The following CNTNAP5 variants were observed in gnomAD, a reference collection of about 807,000 sequenced individuals.
The protein encoded by CNTNAP5 is contactin associated protein family member 5, also known as contactin-associated protein-like 5.
In CNTNAP5, 72 loss-of-function variants were observed where a neutral mutation model predicts 150.2. The observed-to-expected ratio is 0.48, with a 90% CI of 0.40 to 0.58. The LOEUF (loss-of-function observed/expected upper bound fraction) is 0.58. Among genes scored for constraint, CNTNAP5 ranks in the 20% least tolerant of loss-of-function variants. The probability of loss-of-function intolerance (pLI) is 0.00; values close to 1 mark genes in which losing one functional copy is unlikely to be tolerated. For synonymous variants in CNTNAP5, 672 were observed against 619.8 expected (o/e 1.08, Z -1.25); for missense variants, 1,636 against 1,626.2 (o/e 1.01, Z -0.10).
intron 19 of CNTNAP5, among the ~76,000 whole-genome samples, chr2:124,803,718 A>T (rs772129220): frequency 6.6e-6 from 1 of 152,184 alleles, no homozygotes; most frequent in Non-Finnish European, 1.5e-5. Flanking sequence ...GAACTGCGAC[A>T]TTTTATATTT....
intron 10 of CNTNAP5, among the ~76,000 whole-genome samples, chr2:124,555,050 T>G (rs2104921568): frequency 6.6e-6 from 1 of 152,214 alleles, no homozygotes; most frequent in East Asian, 1.9e-4. Flanking sequence ...GACTGTCAAC[T>G]GATACTGAGT....
chr2:124,686,942 GA>G (rs1401528498), intron 13 of CNTNAP5, among the ~76,000 whole-genome samples: 1 of 152,138 alleles, frequency 6.6e-6, no homozygotes, highest in Non-Finnish European at 1.5e-5. Flanking sequence ...TGAAACGGTA[GA>G]AATGTTCTTA....
At chr2:124,578,204 C>T (rs950074243) in intron 11 of CNTNAP5, among the ~76,000 whole-genome samples, 1 of 150,102 alleles carries the variant, frequency 6.7e-6, no homozygotes, top group Non-Finnish European at 1.5e-5. Context: ...GTGGCAGGCA[C>T]CTGTAATCCC....
chr2:124,259,735 G>A (rs921519454), intron 3 of CNTNAP5, among the ~76,000 whole-genome samples: 3 of 152,090 alleles, frequency 2.0e-5, no homozygotes, highest in Non-Finnish European at 4.4e-5. Context: ...GACAAGCAGA[G>A]AGCCAAATCA....
At chr2:124,110,912 G>A (rs1431738843) in intron 1 of CNTNAP5, among the ~76,000 whole-genome samples, 1 of 152,144 alleles carries the variant, frequency 6.6e-6, no homozygotes, top group Non-Finnish European at 1.5e-5. Context: ...GGGGAGCTGA[G>A]GCACAGAGCA....
chr2:124,223,785 C>T (rs1023093037), intron 2 of CNTNAP5, among the ~76,000 whole-genome samples: 1 of 151,454 alleles, frequency 6.6e-6, no homozygotes, highest in African/African-American at 2.4e-5. Flanking sequence ...GAATCCAAGG[C>T]TAGCATAAAT....
At chr2:124,102,106 A>T (rs1683079773) in intron 1 of CNTNAP5, among the ~76,000 whole-genome samples, 1 of 152,164 alleles carries the variant, frequency 6.6e-6, no homozygotes, top group Non-Finnish European at 1.5e-5. Flanking sequence ...TGAGGCTTCC[A>T]GATTCCCTCC....
At chr2:124,459,616 G>A (rs1693201602) in intron 6 of CNTNAP5, among the ~76,000 whole-genome samples, 1 of 151,882 alleles carries the variant, frequency 6.6e-6, no homozygotes, top group Non-Finnish European at 1.5e-5. Flanking sequence ...ACTGGGCATG[G>A]TGCACACGCC....
intron 1 of CNTNAP5, among the ~76,000 whole-genome samples, chr2:124,211,889 G>T (rs1558803157): frequency 6.6e-6 from 1 of 152,200 alleles, no homozygotes; most frequent in African/African-American, 2.4e-5. Context: ...TACACTTTAA[G>T]ATCATGGTTT....
At chr2:124,070,396 G>GAAAAAAAAA (rs70996039) in intron 1 of CNTNAP5, among the ~76,000 whole-genome samples, 2 of 72,958 alleles carry the variant, frequency 2.7e-5, no homozygotes, top group Non-Finnish European at 5.0e-5. Context: ...GCTGAATGGG[G>GAAAAAAAAA]AAAAAAAAAA....
At chr2:124,125,554 C>CA (rs1170500142) in intron 1 of CNTNAP5, among the ~76,000 whole-genome samples, 1 of 152,142 alleles carries the variant, frequency 6.6e-6, no homozygotes, top group Non-Finnish European at 1.5e-5. Context: ...AGATCTGCAC[C>CA]AAGTGGACCT....
chr2:124,043,013 A>C (rs941520871), intron 1 of CNTNAP5, among the ~76,000 whole-genome samples: 1 of 152,188 alleles, frequency 6.6e-6, no homozygotes, highest in African/African-American at 2.4e-5. Context: ...TATCTTCTCC[A>C]GTCCAATATT....
intron 6 of CNTNAP5, among the ~76,000 whole-genome samples, chr2:124,460,959 G>A (rs527930238): frequency 6.6e-6 from 1 of 152,278 alleles, no homozygotes; most frequent in South Asian, 2.1e-4. Flanking sequence ...GAAGCAAGTA[G>A]ATGCAAAGGG....
At chr2:124,578,977 C>T (rs1696353976) in intron 11 of CNTNAP5, among the ~76,000 whole-genome samples, 1 of 152,002 alleles carries the variant, frequency 6.6e-6, no homozygotes, top group Non-Finnish European at 1.5e-5. Flanking sequence ...TCAAGGGATA[C>T]ACTTTTATTT....
intron 12 of CNTNAP5, among the ~76,000 whole-genome samples, chr2:124,642,266 T>G (rs1678109327): frequency 6.6e-6 from 1 of 152,174 alleles, no homozygotes; most frequent in Non-Finnish European, 1.5e-5. Flanking sequence ...AGCCTCTTTT[T>G]CTTTTCTCTT....
intron 3 of CNTNAP5, among the ~76,000 whole-genome samples, chr2:124,356,061 C>T (rs1020535632): frequency 2.0e-5 from 3 of 152,090 alleles, no homozygotes; most frequent in Non-Finnish European, 4.4e-5. Context: ...AAACATTTTC[C>T]TCTTTCTAAG....
rs759581983 is a variant in CNTNAP5, at chr2:124,221,793, A to T, written c.171A>T (p.Gln57His). The T allele has an allele frequency of 3.1e-6, 5 of 1,607,030 alleles. No individual in the cohort carries two copies. The African/African-American group carries it at 6.7e-5, about 22-fold the overall frequency. ...TCACTGGCACTCACAGCCCAGCTCA[A>T]CTCAACTGGAGAGTTGGTAAGTAGG... ...SDLTGTHSPA[Q>H]LNWRVGTGGW... The change falls in exon 2 of 24, where the codon CAA becomes CAT. Residue 57 changes from glutamine (Q) to histidine (H), a missense_variant. By Grantham distance (24) the Gln-to-His change is conservative (BLOSUM62 0). Transcript: ENST00000682447.
chr2:124,449,574 A>G (rs1692914098), intron 6 of CNTNAP5, among the ~76,000 whole-genome samples: 1 of 152,164 alleles, frequency 6.6e-6, no homozygotes, highest in African/African-American at 2.4e-5. Flanking sequence ...GAGTGACATT[A>G]CAGTGAAAGT....
chr2:124,641,189 C>G (rs896767417), intron 12 of CNTNAP5, among the ~76,000 whole-genome samples: 11 of 150,990 alleles, frequency 7.3e-5, no homozygotes, highest in African/African-American at 2.7e-4. Context: ...AGAGCCAGCA[C>G]CACGCTCAGT....
Sources: gnomAD v4.1 joint callset for allele counts (sites outside exome capture counted in the v4.1 genomes callset) on GRCh38, gnomAD v4.1.1 for gene constraint, MANE v1.5 for transcripts, NCBI Gene and HGNC (gene_info 2026-07-23, HGNC 2026-07-21) for gene names.